Variants in RDH11 observed in about 807,000 individuals in gnomAD.
RDH11 encodes HCV core-binding protein HCBP12.
In RDH11, 19 loss-of-function variants were observed where a neutral mutation model predicts 33.4. That is an observed-to-expected ratio of 0.57 (90% CI 0.40 to 0.83). The LOEUF is 0.83. RDH11 is among the 40% of genes least tolerant of loss of function. The pLI, the probability that RDH11 is intolerant of heterozygous loss-of-function variation, is 0.00. For missense variants in RDH11, 353 were observed against 389.0 expected, an observed-to-expected ratio of 0.91 and a Z score of 0.78; for synonymous variants, 154 against 155.3, an observed-to-expected ratio of 0.99 and a Z score of 0.06.
Position 67,677,361 on chromosome 14 carries a change from GGAT to G in RDH11, c.*957_*959del, listed in dbSNP as rs2037553204. On this transcript the variant is annotated 3_prime_UTR_variant, in exon 7 of 7. Transcript: ENST00000381346. ...TGTTTTTTTTGTTTGTTTGTTTTTAGGATTTTTTTTTTTTTTTTTTTTTTTTTT... is the reference window on the plus strand; with the variant it reads ...TGTTTTTTTTGTTTGTTTGTTTTTAGTTTTTTTTTTTTTTTTTTTTTTTTT... 1 of 44,346 alleles carries G rather than the reference GGAT, an allele frequency of 2.3e-5. No homozygotes were observed. The highest frequency in any genetic ancestry group is 5.2e-5 in the Non-Finnish European group (1 of 19,078). 2.7% of individuals were successfully genotyped at this position (44,346 alleles called of 1,614,324 possible).
At chr14:67,688,062 C>T (rs867001709) in intron 5 of RDH11, among the ~76,000 whole-genome samples, 3 of 151,950 alleles carry the variant, frequency 2.0e-5, no homozygotes, top group Admixed American at 6.6e-5. Flanking sequence ...TGTGAGCCAC[C>T]GCGCCCGGCC....
chr14:67,686,803 C>G (rs1409364013), intron 5 of RDH11, among the ~76,000 whole-genome samples: 1 of 152,118 alleles, frequency 6.6e-6, no homozygotes, highest in East Asian at 1.9e-4. Context: ...TATACATACA[C>G]TGCCTATTAA....
chr14:67,687,540 CAG>C (rs1229518503), intron 5 of RDH11, among the ~76,000 whole-genome samples: 1 of 137,282 alleles, frequency 7.3e-6, no homozygotes, highest in Non-Finnish European at 1.5e-5. Flanking sequence ...GGTATGATCT[CAG>C]CTCACCACAA....
rs942632533 is a variant in RDH11 at position 67,677,007 on chromosome 14, G to A, written c.*1314C>T. ...ACATATAGCTTAATGGTCAAAACAA[G>A]TGCAATAAAAGATTAATTTACAAGT... On this transcript the variant is annotated 3_prime_UTR_variant, in exon 7 of 7. Coordinates refer to ENST00000381346, the MANE Select transcript of RDH11 (RefSeq NM_016026.4). The A allele has an allele frequency of 2.6e-5, 4 of 152,162 alleles. No individual in the cohort carries two copies. The highest frequency in any genetic ancestry group is 6.5e-5 in the Admixed American group (1 of 15,268). 9.4% of individuals were successfully genotyped at this position (152,162 alleles called of 1,614,324 possible). A position where few individuals can be genotyped will look rare whatever the true frequency, so the allele number is the denominator to read the frequency against.
intron 1 of RDH11, among the ~76,000 whole-genome samples, chr14:67,694,284 T>A (rs899437775): frequency 6.6e-6 from 1 of 152,108 alleles, no homozygotes; most frequent in African/African-American, 2.4e-5. Context: ...ATCCCCTTAC[T>A]GTATGTAGCT....
rs1330578450 is a variant in RDH11, at chr14:67,690,366, T to C, written c.510A>G (p.Ser170=). 4 of 1,614,204 alleles carry C rather than the reference T, an allele frequency of 2.5e-6. No individual in the cohort carries two copies. In the South Asian group the frequency reaches 3.3e-5, roughly 13 times the overall value. The change falls in exon 5 of 7, where the codon TCA becomes TCG. Residue 170 remains serine, a synonymous_variant. Coordinates refer to ENST00000381346, the MANE Select transcript of RDH11 (RefSeq NM_016026.4). ...CGAGGGAAGACACATTTACTATCCTTGATGGGGCTGATTCCTTTAGTTTCT... is the reference window on the plus strand; with the variant it reads ...CGAGGGAAGACACATTTACTATCCTCGATGGGGCTGATTCCTTTAGTTTCT... ...LLEKLKESAP[S]RIVNVSSLAH...
In RDH11 at chr14:67,685,001, GAT is replaced by G; in HGVS notation, c.854+12_854+13del. 6.3e-7 allele frequency: 1 copy of G among 1,593,972 alleles called. No individual in the cohort carries two copies. Among genetic ancestry groups the G allele is most frequent in the East Asian group, 2.2e-5 (1 of 44,564 alleles). On this transcript the variant is annotated intron_variant, in intron 6 of 6. Coordinates refer to ENST00000381346, the MANE Select transcript of RDH11 (RefSeq NM_016026.4). ...GCAATAAATCTCATCTGCAAAAAGA[GAT>G]AACATTCATACCTGAAATGATTCCC...
chr14:67,692,716 G>GT, intron 2 of RDH11, 123 bp from the exon 3 acceptor site: 2 of 1,183,050 alleles, frequency 1.7e-6, no homozygotes, highest in Non-Finnish European at 2.4e-6. Context: ...CACAACAGAG[G>GT]TATCTGATTA....
At chr14:67,689,423 C>A (rs1262930775) in intron 5 of RDH11, among the ~76,000 whole-genome samples, 1 of 152,156 alleles carries the variant, frequency 6.6e-6, no homozygotes, top group Non-Finnish European at 1.5e-5. Flanking sequence ...TTCCCCTTCT[C>A]AAGCATATAT....
intron 6 of RDH11, among the ~76,000 whole-genome samples, chr14:67,681,715 G>C (rs568746393): frequency 6.6e-6 from 1 of 152,156 alleles, no homozygotes; most frequent in African/African-American, 2.4e-5. Flanking sequence ...CCAGGAGGCG[G>C]AGGTTGCAGT....
intron 5 of RDH11, among the ~76,000 whole-genome samples, chr14:67,686,661 T>C (rs1594849974): frequency 1.5e-5 from 2 of 134,436 alleles, no homozygotes; most frequent in South Asian, 4.7e-4. Context: ...AAAAAAAAAG[T>C]GCCTGATGCA....
chr14:67,685,097 T>G lies in RDH11; in HGVS notation c.772A>C (p.Lys258Gln). Reference sequence around the variant, plus strand: ...GTCTGGGCTCCCTGCTGAGGAGTCTTGATGAAAAAGGAGAAAAGCCACCAC... The same window carrying G: ...GTCTGGGCTCCCTGCTGAGGAGTCTGGATGAAAAAGGAGAAAAGCCACCAC... Reference protein sequence around the residue: ...WMWWLFSFFIKTPQQGAQTSL... With the variant: ...WMWWLFSFFIQTPQQGAQTSL... The change falls in exon 6 of 7, where the codon AAG (lysine) becomes CAG (glutamine). Residue 258 changes from lysine to glutamine, a missense_variant. Physicochemically the swap from Lys to Gln is moderately conservative, Grantham distance 53. Coordinates refer to ENST00000381346, the MANE Select transcript of RDH11 (RefSeq NM_016026.4). The G allele has an allele frequency of 6.2e-7, 1 of 1,614,086 alleles. No homozygotes were observed. Among genetic ancestry groups the G allele is most frequent in the Non-Finnish European group, 8.5e-7 (1 of 1,180,008 alleles).
intron 6 of RDH11, among the ~76,000 whole-genome samples, chr14:67,679,503 G>C (rs2037586943): frequency 6.7e-6 from 1 of 149,640 alleles, no homozygotes; most frequent in Non-Finnish European, 1.5e-5. Context: ...TCCCAGGTTT[G>C]AGCAATTCTC....
At chr14:67,690,638 A>G in intron 4 of RDH11, 1 of 538,018 alleles carries the variant, frequency 1.9e-6, no homozygotes, top group Non-Finnish European at 3.3e-6. Context: ...ATAGGTCTAG[A>G]CTATGTGAAT....
Position 67,693,017 on chromosome 14 carries a change from A to G in RDH11, c.110T>C (p.Val37Ala). ...CACAACTACTTTCCCAGGAAGCTGA[A>G]CAGTTGATGTACACACCCCACTGGA... ...MLSSGVCTST[V>A]QLPGKVVVVT... The change falls in exon 2 of 7, where the codon GTT (valine) becomes GCT (alanine). Residue 37 changes from valine (V) to alanine (A), a missense_variant. Val to Ala is a moderately conservative substitution (Grantham distance 64, BLOSUM62 0). Coordinates refer to ENST00000381346, the MANE Select transcript of RDH11 (RefSeq NM_016026.4). 6.2e-7 allele frequency: 1 copy of G among 1,614,128 alleles called. No homozygotes were observed. Among genetic ancestry groups the G allele is most frequent in the East Asian group, 2.2e-5 (1 of 44,882 alleles).
chr14:67,694,058 T>A (rs1034497972), intron 1 of RDH11, among the ~76,000 whole-genome samples: 1 of 152,204 alleles, frequency 6.6e-6, no homozygotes, highest in African/African-American at 2.4e-5. Context: ...CTTGGCAATG[T>A]TGGGACTCTG....
rs2037660571 is a variant in RDH11, at chr14:67,685,104, A to G, written c.765T>C (p.Phe255=). The G allele has an allele frequency of 2.5e-6, 4 of 1,614,186 alleles. No individual in the cohort carries two copies. Among genetic ancestry groups the G allele is most frequent in the Non-Finnish European group, 3.4e-6 (4 of 1,180,030 alleles). Residue 255 remains phenylalanine, a synonymous_variant, in exon 6 of 7, where the codon TTT becomes TTC. Transcript: ENST00000381346. ...CTCCCTGCTGAGGAGTCTTGATGAAAAAGGAGAAAAGCCACCACATCCATC... is the reference window on the plus strand; with the variant it reads ...CTCCCTGCTGAGGAGTCTTGATGAAGAAGGAGAAAAGCCACCACATCCATC... ...FMRWMWWLFS[F]FIKTPQQGAQ...
At chr14:67,693,914 G>A (rs2037788853) in intron 1 of RDH11, among the ~76,000 whole-genome samples, 1 of 152,134 alleles carries the variant, frequency 6.6e-6, no homozygotes, top group Non-Finnish European at 1.5e-5. Flanking sequence ...GCCTCCCAAA[G>A]TGCTGGGATT....
chr14:67,686,458 G>C (rs1051196984), intron 5 of RDH11, among the ~76,000 whole-genome samples: 6 of 152,096 alleles, frequency 3.9e-5, no homozygotes, highest in Non-Finnish European at 7.4e-5. Context: ...GGGCAACACA[G>C]TGAAACCCCG....
Sources: allele counts gnomAD v4.1 joint callset (sites outside exome capture counted in the v4.1 genomes callset), GRCh38; gene constraint gnomAD v4.1.1; transcripts MANE v1.5; gene names NCBI Gene and HGNC (gene_info 2026-07-23, HGNC 2026-07-21).